The following CBLB variants were observed in gnomAD, a reference collection of about 807,000 sequenced individuals.
CBLB encodes Cbl proto-oncogene B, also known as E3 ubiquitin-protein ligase CBL-B.
CBLB carries 31 observed loss-of-function variants against 104.9 expected under a neutral mutation model. The observed-to-expected ratio is 0.30, with a 90% CI of 0.22 to 0.40. CBLB has a LOEUF of 0.40. Ranked by LOEUF, CBLB falls within the 10% of genes least tolerant of loss-of-function variation. The pLI is 1.00. For missense variants in CBLB, 1,062 were observed against 1,214.6 expected (o/e 0.87, Z 1.87); for synonymous variants, 440 against 422.6 (o/e 1.04, Z -0.51).
intron 6 of CBLB, among the ~76,000 whole-genome samples, chr3:105,743,657 G>A (rs1028408306): frequency 6.0e-5 from 9 of 150,032 alleles, no homozygotes; most frequent in Admixed American, 2.0e-4. Flanking sequence ...ACAACCTAAG[G>A]AGCCAAAATG....
intron 3 of CBLB, among the ~76,000 whole-genome samples, chr3:105,815,869 AAAAG>A (rs1170797905): frequency 3.9e-5 from 6 of 152,242 alleles, no homozygotes; most frequent in African/African-American, 1.4e-4. Context: ...GCAGCCATAA[AAAAG>A]AATGAGTTCA....
At chr3:105,854,037 T>C (rs1457713240) in intron 2 of CBLB, among the ~76,000 whole-genome samples, 1 of 152,154 alleles carries the variant, frequency 6.6e-6, no homozygotes, top group Non-Finnish European at 1.5e-5. Context: ...GTCTCACATT[T>C]ATATGTTATT....
rs1454701767 is a variant in CBLB at position 105,744,891 on chromosome 3, T to C, written c.845+1026A>G. ...GTTGCAGTGAACAGAGATTGTGCCA[T>C]TGCACTCCAGCCTGGTGACAGAGCA... is the stretch of plus-strand genomic sequence containing the variant. On this transcript the variant is annotated intron_variant, in intron 6 of 18. Transcript: ENST00000394030. 3.3e-5 allele frequency among the ~76,000 whole-genome samples: 5 copies of C among 152,082 alleles called. No individual in the cohort carries two copies. In the East Asian group the frequency reaches 7.7e-4, roughly 24 times the overall value.
At chr3:105,868,441 C>A (rs1706502646) in intron 1 of CBLB, 1 of 379,898 alleles carries the variant, frequency 2.6e-6, no homozygotes, top group Non-Finnish European at 4.6e-6. Context: ...CCTCCCGTGC[C>A]CGCAGCACCG....
At chr3:105,728,313 C>A (rs376238763) in intron 9 of CBLB, among the ~76,000 whole-genome samples, 3 of 152,082 alleles carry the variant, frequency 2.0e-5, no homozygotes, top group Non-Finnish European at 4.4e-5. Flanking sequence ...TTCCTATGCA[C>A]CAATAATAGA....
At chr3:105,668,578 T>C (rs1043953621) in intron 18 of CBLB, among the ~76,000 whole-genome samples, 6 of 152,236 alleles carry the variant, frequency 3.9e-5, no homozygotes, top group African/African-American at 9.6e-5. Flanking sequence ...CTTTCTTTCT[T>C]GACTTTCATG....
At position 105,867,327 on chromosome 3, in the gene CBLB, T is replaced by C. The variant is rs575668389; in HGVS notation, c.168+83A>G. On this transcript the variant is annotated intron_variant, in intron 2 of 18. Coordinates refer to ENST00000394030, the MANE Select transcript of CBLB (RefSeq NM_170662.5). ...ATTGTTGCCATAACAATGGTTGGTATTAATTAACAGTATAAATAAATCTGG... is the reference window on the plus strand; with the variant it reads ...ATTGTTGCCATAACAATGGTTGGTACTAATTAACAGTATAAATAAATCTGG... 7.6e-6 allele frequency: 9 copies of C among 1,191,206 alleles called. No individual in the cohort carries two copies. The East Asian group carries it at 2.1e-4, about 28-fold the overall frequency. The allele number at this position is 1,191,206 out of a possible 1,614,324, so 73.8% of individuals were successfully genotyped here. A position where few individuals can be genotyped will look rare whatever the true frequency, so the allele number is the denominator to read the frequency against.
intron 7 of CBLB, among the ~76,000 whole-genome samples, chr3:105,740,180 ATT>A (rs2075386459): frequency 6.6e-6 from 1 of 152,160 alleles, no homozygotes; most frequent in Non-Finnish European, 1.5e-5. Flanking sequence ...ATTCTAAATA[ATT>A]TTCTCTTAAT....
At chr3:105,777,095 T>C (rs2079570661) in intron 3 of CBLB, among the ~76,000 whole-genome samples, 1 of 152,198 alleles carries the variant, frequency 6.6e-6, no homozygotes, top group Admixed American at 6.5e-5. Context: ...TGGTATTATA[T>C]CATTTTTGGC....
rs149602253 is a variant in CBLB, at chr3:105,785,532, G to A, written c.420-8990C>T. 6.1e-3 allele frequency among the ~76,000 whole-genome samples: 924 copies of A among 152,120 alleles called. 11 individuals are homozygous for A. Among genetic ancestry groups the A allele is most frequent in the African/African-American group, 0.021 (877 of 41,490 alleles). On this transcript the variant is annotated intron_variant, in intron 3 of 18. Coordinates refer to ENST00000394030, the MANE Select transcript of CBLB (RefSeq NM_170662.5). ...AAACTCAAGTAAATGTAACATATTTGTCATACTTTCTGAGGAAGCATAACA... is the reference window on the plus strand; with the variant it reads ...AAACTCAAGTAAATGTAACATATTTATCATACTTTCTGAGGAAGCATAACA...
At chr3:105,757,312 G>A (rs2077170524) in intron 4 of CBLB, among the ~76,000 whole-genome samples, 1 of 152,192 alleles carries the variant, frequency 6.6e-6, no homozygotes, top group Non-Finnish European at 1.5e-5. Flanking sequence ...CTACATGCAA[G>A]TAAAGAGTTG....
At chr3:105,741,590 G>T (rs1208499232) in intron 6 of CBLB, among the ~76,000 whole-genome samples, 1 of 152,114 alleles carries the variant, frequency 6.6e-6, no homozygotes, top group African/African-American at 2.4e-5. Context: ...TAGAGATGGG[G>T]TTCACCGTGT....
intron 3 of CBLB, among the ~76,000 whole-genome samples, chr3:105,778,992 T>C (rs900409404): frequency 1.1e-4 from 17 of 152,226 alleles, no homozygotes; most frequent in African/African-American, 4.1e-4. Context: ...AATGAATTTA[T>C]TTCTATAATT....
chr3:105,753,609 A>C (rs2076783737), intron 4 of CBLB, among the ~76,000 whole-genome samples: 1 of 152,194 alleles, frequency 6.6e-6, no homozygotes, highest in Admixed American at 6.5e-5. Context: ...GAACAGTATA[A>C]ATTTTATTTT....
At chr3:105,863,074 GAAGAAA>G (rs2092221734) in intron 2 of CBLB, among the ~76,000 whole-genome samples, 1 of 152,144 alleles carries the variant, frequency 6.6e-6, no homozygotes, top group African/African-American at 2.4e-5. Flanking sequence ...CTTCTAAAAA[GAAGAAA>G]GAAATAGATT....
intron 3 of CBLB, among the ~76,000 whole-genome samples, chr3:105,840,692 GA>G (rs2089414602): frequency 6.6e-6 from 1 of 152,216 alleles, no homozygotes; most frequent in East Asian, 1.9e-4. Flanking sequence ...CTCCACACAG[GA>G]AAATGGAATT....
chr3:105,825,355 GA>G (rs1176055432), intron 3 of CBLB, among the ~76,000 whole-genome samples: 1 of 152,164 alleles, frequency 6.6e-6, no homozygotes, highest in Non-Finnish European at 1.5e-5. Context: ...CAGATAGTGA[GA>G]AAAAGGAGGA....
At chr3:105,854,479 T>C (rs886181752) in intron 2 of CBLB, among the ~76,000 whole-genome samples, 7 of 152,202 alleles carry the variant, frequency 4.6e-5, no homozygotes, top group African/African-American at 1.7e-4. Flanking sequence ...AATGAAATAA[T>C]TGAGAATTGC....
intron 16 of CBLB, among the ~76,000 whole-genome samples, chr3:105,679,731 G>A (rs1315114276): frequency 6.6e-6 from 1 of 151,676 alleles, no homozygotes; most frequent in Non-Finnish European, 1.5e-5. Context: ...AGCCACGATC[G>A]TGCCATTGCA....
Sources: gnomAD v4.1 joint callset for allele counts (sites outside exome capture counted in the v4.1 genomes callset) on GRCh38, gnomAD v4.1.1 for gene constraint, MANE v1.5 for transcripts, NCBI Gene and HGNC (gene_info 2026-07-23, HGNC 2026-07-21) for gene names.